The following RFTN2 variants were observed in gnomAD, a reference collection of about 807,000 sequenced individuals.
RFTN2 encodes the protein raftlin family member 2.
Under a neutral mutation model 52.7 loss-of-function variants are expected in RFTN2, and 34 were observed. The observed-to-expected ratio is 0.64, with a 90% CI of 0.49 to 0.86. The LOEUF (loss-of-function observed/expected upper bound fraction) is 0.86. Among genes scored for constraint, RFTN2 ranks in the 40% least tolerant of loss-of-function variants. The probability of loss-of-function intolerance (pLI) is 0.00; values close to 1 mark genes in which losing one functional copy is unlikely to be tolerated. For synonymous variants in RFTN2, 203 were observed against 217.7 expected, an observed-to-expected ratio of 0.93 and a Z score of 0.59; for missense variants, 536 against 600.1, an observed-to-expected ratio of 0.89 and a Z score of 1.12.
At chr2:197,605,928 C>T (rs773678997) in intron 7 of RFTN2, among the ~76,000 whole-genome samples, 1 of 152,168 alleles carries the variant, frequency 6.6e-6, no homozygotes, top group Non-Finnish European at 1.5e-5. Flanking sequence ...GACCTGCCCT[C>T]CTCCTTTATT....
rs149927338 is a variant in RFTN2 at position 197,660,755 on chromosome 2, C to T, written c.140-14089G>A. 5.2e-3 allele frequency among the ~76,000 whole-genome samples: 795 copies of T among 151,982 alleles called. 6 individuals are homozygous for T. The highest frequency in any genetic ancestry group is 0.018 in the African/African-American group (735 of 41,416). On this transcript the variant is annotated intron_variant, in intron 1 of 8. Transcript: ENST00000295049. The stretch of plus-strand genomic sequence containing the variant: ...TGTATTTTTAGTAGAGACAGGGTTT[C>T]TCCATGTTGACCAGGCTGGTCTTGA...
At chr2:197,615,739 G>A (rs2106210215) in intron 7 of RFTN2, 137 bp downstream of exon 7, 3 of 591,320 alleles carry the variant, frequency 5.1e-6, no homozygotes, top group Non-Finnish European at 9.2e-6. Context: ...AACCTCTAAG[G>A]TCCATAAAAT....
chr2:197,652,063 T>C (rs2088833900), intron 1 of RFTN2, among the ~76,000 whole-genome samples: 2 of 152,224 alleles, frequency 1.3e-5, no homozygotes, highest in Admixed American at 1.3e-4. Context: ...AACCCAATAA[T>C]AGGTCTTGGA....
At chr2:197,640,692 C>T (rs1422271684) in intron 3 of RFTN2, among the ~76,000 whole-genome samples, 1 of 152,060 alleles carries the variant, frequency 6.6e-6, no homozygotes, top group African/African-American at 2.4e-5. Flanking sequence ...AATCACCCGT[C>T]TTCTGCGTCG....
chr2:197,574,092 T>G (rs1445196461), intron 8 of RFTN2, among the ~76,000 whole-genome samples: 1 of 152,232 alleles, frequency 6.6e-6, no homozygotes, highest in East Asian at 1.9e-4. Context: ...GAGTCCCTAC[T>G]GGGACACTGC....
rs191143204 is a variant in RFTN2 at position 197,642,440 on chromosome 2, T to A, written c.438+1718A>T. 1.4e-4 allele frequency among the ~76,000 whole-genome samples: 21 copies of A among 152,312 alleles called. No homozygotes were observed. In the East Asian group the frequency reaches 3.1e-3, roughly 22 times the overall value. ...ATCAATACATATACAACATTTAACTTTTCATTTAAGTTTCAATTAAGTTAT... is the reference window on the plus strand; with the variant it reads ...ATCAATACATATACAACATTTAACTATTCATTTAAGTTTCAATTAAGTTAT... On this transcript the variant is annotated intron_variant, in intron 3 of 8. Transcript: ENST00000295049.
rs1559332906 is a variant in RFTN2, at chr2:197,570,791, A to G, written c.*1217T>C. ...TATATGAATATTTGTGTTCAATAAA[A>G]CAATAACACAATAAAAATGATGTTT... On this transcript the variant is annotated 3_prime_UTR_variant, in exon 9 of 9. Transcript: ENST00000295049. 6.6e-6 allele frequency: 1 copy of G among 152,246 alleles called. No homozygotes were observed. The highest frequency in any genetic ancestry group is 1.5e-5 in the Non-Finnish European group (1 of 68,040). 9.4% of individuals were successfully genotyped at this position (152,246 alleles called of 1,614,324 possible). A position where few individuals can be genotyped will look rare whatever the true frequency, so the allele number is the denominator to read the frequency against.
chr2:197,637,088 G>A (rs1424496330), intron 3 of RFTN2, among the ~76,000 whole-genome samples: 9 of 150,386 alleles, frequency 6.0e-5, no homozygotes, highest in African/African-American at 1.7e-4. Flanking sequence ...CAGGGATGAA[G>A]CCCACTTGAT....
At chr2:197,598,915 C>A (rs1373766133) in intron 7 of RFTN2, among the ~76,000 whole-genome samples, 1 of 152,022 alleles carries the variant, frequency 6.6e-6, no homozygotes, top group Non-Finnish European at 1.5e-5. Context: ...GGCTTATTTT[C>A]TGGAAGCATC....
chr2:197,607,683 T>C (rs1292467521), intron 7 of RFTN2, among the ~76,000 whole-genome samples: 9 of 152,140 alleles, frequency 5.9e-5, no homozygotes, highest in Admixed American at 5.9e-4. Flanking sequence ...AAATTTTGCT[T>C]TTTAAAAGGA....
intron 1 of RFTN2, among the ~76,000 whole-genome samples, chr2:197,668,827 T>G (rs1200138452): frequency 2.0e-5 from 3 of 152,186 alleles, no homozygotes; most frequent in Non-Finnish European, 4.4e-5. Flanking sequence ...CACAATCTCT[T>G]GGCAGCTCCC....
chr2:197,645,975 G>C (rs2088742332), intron 2 of RFTN2, among the ~76,000 whole-genome samples: 1 of 152,076 alleles, frequency 6.6e-6, no homozygotes, highest in Non-Finnish European at 1.5e-5. Context: ...ACAGTGAGCT[G>C]AGTTGGTGCC....
intron 7 of RFTN2, among the ~76,000 whole-genome samples, chr2:197,605,047 A>G (rs2087937253): frequency 1.3e-5 from 2 of 152,076 alleles, no homozygotes; most frequent in Non-Finnish European, 2.9e-5. Flanking sequence ...GTCAGCCACC[A>G]CACCCAGCGT....
Position 197,646,431 on chromosome 2 carries a change from G to A in RFTN2, c.323+52C>T, listed in dbSNP as rs566032118. 3.3e-4 allele frequency: 479 copies of A among 1,450,586 alleles called. 1 individual carries two copies. The highest frequency in any genetic ancestry group is 6.7e-5 in the Non-Finnish European group (72 of 1,070,276). The allele number at this position is 1,450,586 out of a possible 1,614,324, so 89.9% of individuals were successfully genotyped here. On this transcript the variant is annotated intron_variant, in intron 2 of 8. Transcript: ENST00000295049. The stretch of plus-strand genomic sequence containing the variant: ...TTGATTCAAATTTTTTTTTCTTTTA[G>A]ACAAAGAGAACTGTCACCCTCACCT...
At chr2:197,585,376 A>G (rs2087580341) in intron 8 of RFTN2, among the ~76,000 whole-genome samples, 1 of 152,086 alleles carries the variant, frequency 6.6e-6, no homozygotes, top group Non-Finnish European at 1.5e-5. Flanking sequence ...CTGGTGGTTT[A>G]CCCTTTTCCT....
rs1257891726 is a variant in RFTN2, at chr2:197,570,025, C to T, written c.*1983G>A. On this transcript the variant is annotated 3_prime_UTR_variant, in exon 9 of 9. Coordinates refer to ENST00000295049, the MANE Select transcript of RFTN2 (RefSeq NM_144629.3). Reference sequence around the variant, plus strand: ...ATCTCTGTTTTTAATTTACTACTTCCAATCCCCTATGTATGTGGGCTGAAT... The same window carrying T: ...ATCTCTGTTTTTAATTTACTACTTCTAATCCCCTATGTATGTGGGCTGAAT... 1 of 151,610 alleles carries T rather than the reference C, an allele frequency of 6.6e-6. No homozygotes were observed. The highest frequency in any genetic ancestry group is 1.9e-4 in the East Asian group (1 of 5,180). The allele number at this position is 151,610 out of a possible 1,614,324, so 9.4% of individuals were successfully genotyped here.
At chr2:197,606,873 C>T (rs970617829) in intron 7 of RFTN2, among the ~76,000 whole-genome samples, 7 of 152,090 alleles carry the variant, frequency 4.6e-5, no homozygotes, top group African/African-American at 1.7e-4. Flanking sequence ...CACTTTTACA[C>T]TGTTGGTGGG....
Position 197,568,590 on chromosome 2 carries a change from T to A in RFTN2, c.*3418A>T, listed in dbSNP as rs2087270250. 1 of 152,240 alleles carries A rather than the reference T, an allele frequency of 6.6e-6. No individual in the cohort carries two copies. Among genetic ancestry groups the A allele is most frequent in the South Asian group, 2.1e-4 (1 of 4,832 alleles). The allele number at this position is 152,240 out of a possible 1,614,324, so 9.4% of individuals were successfully genotyped here. ...TTTTTCTATGTATCCACTAGTACAT[T>A]TTTATATAATGTGTTCTTAGTTATA... On this transcript the variant is annotated 3_prime_UTR_variant, in exon 9 of 9. Transcript: ENST00000295049.
At chr2:197,653,639 A>G (rs1428496970) in intron 1 of RFTN2, among the ~76,000 whole-genome samples, 2 of 152,164 alleles carry the variant, frequency 1.3e-5, no homozygotes, top group Non-Finnish European at 2.9e-5. Context: ...TCAAAAATCT[A>G]TTGGGTTGGT....
Sources: gnomAD v4.1 joint callset for allele counts (sites outside exome capture counted in the v4.1 genomes callset) on GRCh38, gnomAD v4.1.1 for gene constraint, MANE v1.5 for transcripts, NCBI Gene and HGNC (gene_info 2026-07-23, HGNC 2026-07-21) for gene names.